The following TMEM161B variants were observed in gnomAD, a reference collection of about 807,000 sequenced individuals.
TMEM161B encodes the protein transmembrane protein 161B.
TMEM161B carries 34 observed loss-of-function variants against 61.8 expected under a neutral mutation model. The ratio of observed to expected loss-of-function variants is 0.55; its 90% CI spans 0.42 to 0.73. The LOEUF (loss-of-function observed/expected upper bound fraction) is 0.73, where lower values mean the gene tolerates loss of function less well. TMEM161B is among the 30% of genes least tolerant of loss of function. The pLI, the probability that TMEM161B is intolerant of heterozygous loss-of-function variation, is 0.00. For synonymous variants in TMEM161B, 167 were observed against 192.8 expected (o/e 0.87, Z 1.11); for missense variants, 456 against 558.5 (o/e 0.82, Z 1.85).
chr5:88,251,038 T>G (rs1754278779), intron 1 of TMEM161B: 1 of 152,190 alleles, frequency 6.6e-6, no homozygotes, highest in Non-Finnish European at 1.5e-5. Context: ...GCGACTGATT[T>G]GAGTGAGACT....
At chr5:88,244,293 T>C (rs1753240550) in intron 1 of TMEM161B, among the ~76,000 whole-genome samples, 1 of 151,958 alleles carries the variant, frequency 6.6e-6, no homozygotes, top group African/African-American at 2.4e-5. Flanking sequence ...TTTTAATCCA[T>C]CTGAAGTTGA....
chr5:88,198,240 G>A (rs1293845876), intron 10 of TMEM161B: 1 of 151,952 alleles, frequency 6.6e-6, no homozygotes, highest in Non-Finnish European at 1.5e-5. Flanking sequence ...TATATAAAAG[G>A]TAAAACAGAA....
intron 6 of TMEM161B, 74 bp from the exon 7 acceptor site, chr5:88,206,573 T>C: frequency 7.3e-7 from 1 of 1,367,596 alleles, no homozygotes; most frequent in Non-Finnish European, 9.9e-7. Context: ...TCCATGGAAA[T>C]AAAATGTTAG....
At position 88,220,727 on chromosome 5, in the gene TMEM161B, G is replaced by GAAAAAAAAAAAAAAAAAAA. The variant is rs764112016; in HGVS notation, c.290-27_290-9dup. 7 of 602,804 alleles carry GAAAAAAAAAAAAAAAAAAA rather than the reference G, an allele frequency of 1.2e-5. No individual in the cohort carries two copies. Among genetic ancestry groups the GAAAAAAAAAAAAAAAAAAA allele is most frequent in the African/African-American group, 3.7e-5 (1 of 26,772 alleles). 37.3% of individuals were successfully genotyped at this position (602,804 alleles called of 1,614,324 possible). A position where few individuals can be genotyped will look rare whatever the true frequency, so the allele number is the denominator to read the frequency against. ...CTGGAAAGTAATGCAATGCTGGAAA[G>GAAAAAAAAAAAAAAAAAAA]AAAAAAAAAAAAAAAAAAAAAAAAG... On this transcript the variant is annotated splice_polypyrimidine_tract_variant and intron_variant, in intron 4 of 11. Coordinates refer to ENST00000296595, the MANE Select transcript of TMEM161B (RefSeq NM_153354.5).
intron 5 of TMEM161B, among the ~76,000 whole-genome samples, chr5:88,210,169 G>A (rs561305341): frequency 2.0e-5 from 3 of 151,970 alleles, no homozygotes; most frequent in Admixed American, 6.6e-5. Flanking sequence ...GTAAAATGCC[G>A]CCAGTCCACA....
At chr5:88,247,925 A>G (rs1210280673) in intron 1 of TMEM161B, among the ~76,000 whole-genome samples, 5 of 152,156 alleles carry the variant, frequency 3.3e-5, no homozygotes, top group African/African-American at 1.2e-4. Context: ...ACACATTACA[A>G]TACAATTGTA....
intron 2 of TMEM161B, among the ~76,000 whole-genome samples, chr5:88,232,930 C>T (rs570261274): frequency 6.6e-6 from 1 of 152,284 alleles, no homozygotes; most frequent in Non-Finnish European, 1.5e-5. Flanking sequence ...ATTTTGTAAA[C>T]TCATTTCTCT....
At chr5:88,233,615 G>C (rs1197156859) in intron 2 of TMEM161B, among the ~76,000 whole-genome samples, 2 of 152,152 alleles carry the variant, frequency 1.3e-5, no homozygotes, top group Non-Finnish European at 2.9e-5. Flanking sequence ...CCCTTTGGTT[G>C]TTCTGTGAAT....
chr5:88,265,819 C>A (rs1189838223), intron 1 of TMEM161B, among the ~76,000 whole-genome samples: 5 of 152,198 alleles, frequency 3.3e-5, no homozygotes, highest in African/African-American at 9.6e-5. Flanking sequence ...TACTCTCCCA[C>A]ACCTGCCCAC....
chr5:88,190,973 T>C (rs1242579890), downstream of TMEM161B, among the ~76,000 whole-genome samples: 1 of 152,246 alleles, frequency 6.6e-6, no homozygotes, highest in East Asian at 1.9e-4. Context: ...TAACCTCATT[T>C]ATCCTTTCCT....
intron 4 of TMEM161B, chr5:88,221,327 C>T (rs991912386): frequency 1.7e-5 from 3 of 179,336 alleles, no homozygotes; most frequent in Non-Finnish European, 2.4e-5. Context: ...AAGACTATCC[C>T]GCTTCTACTA....
At chr5:88,225,720 A>G (rs376989710) in intron 4 of TMEM161B, 49 bp downstream of exon 4, 92 of 1,226,684 alleles carry the variant, frequency 7.5e-5, no homozygotes, top group Admixed American at 3.7e-4. Flanking sequence ...TTTCACTACT[A>G]TAATATAAAA....
rs1749544470 is a variant in TMEM161B, at chr5:88,195,876, TAG to T, written c.*333_*334del. The T allele has an allele frequency of 2.9e-6, 3 of 1,047,662 alleles. No individual in the cohort carries two copies. The highest frequency in any genetic ancestry group is 3.4e-6 in the Non-Finnish European group (3 of 870,156). The allele number at this position is 1,047,662 out of a possible 1,614,324, so 64.9% of individuals were successfully genotyped here. Reference sequence around the variant, plus strand: ...AAAACCATTAAAAGCAATCAATAACTAGAGTCATGTGAGATGTTTCAAAGACT... The same window carrying T: ...AAAACCATTAAAAGCAATCAATAACTAGTCATGTGAGATGTTTCAAAGACT... On this transcript the variant is annotated 3_prime_UTR_variant, in exon 12 of 12. Coordinates refer to ENST00000296595, the MANE Select transcript of TMEM161B (RefSeq NM_153354.5).
intron 3 of TMEM161B, among the ~76,000 whole-genome samples, chr5:88,226,227 A>G (rs926987042): frequency 3.3e-5 from 5 of 152,156 alleles, no homozygotes; most frequent in African/African-American, 9.7e-5. Context: ...CCTTGAAGTG[A>G]CGTGTATAAA....
chr5:88,247,756 C>G (rs1753799135), intron 1 of TMEM161B, among the ~76,000 whole-genome samples: 1 of 152,028 alleles, frequency 6.6e-6, no homozygotes, highest in Non-Finnish European at 1.5e-5. Flanking sequence ...GTCCAAACAA[C>G]AAACATCACT....
intron 2 of TMEM161B, among the ~76,000 whole-genome samples, chr5:88,239,798 T>A (rs1475907694): frequency 6.6e-6 from 1 of 152,010 alleles, no homozygotes; most frequent in Non-Finnish European, 1.5e-5. Flanking sequence ...AATTTAAGCT[T>A]TGTAAATGGG....
At chr5:88,218,978 T>G (rs1748427549) in intron 5 of TMEM161B, among the ~76,000 whole-genome samples, 1 of 152,066 alleles carries the variant, frequency 6.6e-6, no homozygotes, top group Non-Finnish European at 1.5e-5. Flanking sequence ...AGCTCCAATT[T>G]GAGGGAGATG....
At chr5:88,194,514 A>G (rs1749318307), downstream of TMEM161B, among the ~76,000 whole-genome samples, 1 of 152,074 alleles carries the variant, frequency 6.6e-6, no homozygotes, top group Non-Finnish European at 1.5e-5. Context: ...ATACCTAATG[A>G]TGAAACTGCT....
At chr5:88,208,411 G>A (rs1745982565) in intron 5 of TMEM161B, among the ~76,000 whole-genome samples, 1 of 152,082 alleles carries the variant, frequency 6.6e-6, no homozygotes, top group African/African-American at 2.4e-5. Flanking sequence ...GAACCCGGGA[G>A]GCGGAGCTTG....
Sources: allele counts gnomAD v4.1 joint callset (sites outside exome capture counted in the v4.1 genomes callset), GRCh38; gene constraint gnomAD v4.1.1; transcripts MANE v1.5; gene names NCBI Gene and HGNC (gene_info 2026-07-23, HGNC 2026-07-21).